PATJ: variants seen among roughly 807,000 people sequenced by gnomAD.
PATJ encodes inaD-like protein.
PATJ carries 190 observed loss-of-function variants against 224.9 expected under a neutral mutation model. The observed-to-expected ratio is 0.84, with a 90% CI of 0.75 to 0.95. The LOEUF is 0.95. PATJ is among the 40% of genes least tolerant of loss of function. The pLI, the probability that PATJ is intolerant of heterozygous loss-of-function variation, is 0.00. For missense variants in PATJ, 2,121 were observed against 2,270.3 expected (o/e 0.93, Z 1.34); for synonymous variants, 769 against 820.3 (o/e 0.94, Z 1.07).
chr1:61,831,652 A>G (rs1016823217), intron 16 of PATJ, among the ~76,000 whole-genome samples: 1 of 152,186 alleles, frequency 6.6e-6, no homozygotes, highest in Non-Finnish European at 1.5e-5. Flanking sequence ...ACCAGTCACA[A>G]TGGCCATTAT....
chr1:61,832,896 C>T (rs1183389416), intron 16 of PATJ, among the ~76,000 whole-genome samples: 1 of 152,170 alleles, frequency 6.6e-6, no homozygotes, highest in Non-Finnish European at 1.5e-5. Flanking sequence ...CATTGACCCT[C>T]TCATTTAACT....
intron 29 of PATJ, among the ~76,000 whole-genome samples, chr1:62,033,466 C>T (rs896723214): frequency 2.6e-5 from 4 of 152,156 alleles, no homozygotes; most frequent in Admixed American, 6.5e-5. Flanking sequence ...CTTGAGCATT[C>T]CCGTTGGTAG....
chr1:61,782,217 G>T (rs1219402562), intron 7 of PATJ, among the ~76,000 whole-genome samples: 1 of 152,278 alleles, frequency 6.6e-6, no homozygotes, highest in South Asian at 2.1e-4. Flanking sequence ...TCTTAGGCCT[G>T]CCATTAATGC....
intron 28 of PATJ, among the ~76,000 whole-genome samples, chr1:61,995,418 T>C (rs1369652061): frequency 2.6e-5 from 4 of 152,196 alleles, no homozygotes; most frequent in African/African-American, 9.7e-5. Context: ...TTCAGACGCT[T>C]AGATGAGGTT....
intron 42 of PATJ, among the ~76,000 whole-genome samples, chr1:62,151,462 G>A (rs1394061049): frequency 1.3e-5 from 2 of 148,334 alleles, no homozygotes; most frequent in African/African-American, 2.5e-5. Context: ...GTGGTGGCAG[G>A]CGCCTGTAGT....
chr1:61,886,636 A>G lies in PATJ; in HGVS notation c.3131+2228A>G, dbSNP rs139034160. On this transcript the variant is annotated intron_variant, in intron 22 of 43. Transcript: ENST00000642238. ...GGAGTTCGAGACTAGCCTGGCCAAC[A>G]TGGTGAAACCTCATCTCTACTAAAA... Among the ~76,000 whole-genome samples the G allele has an allele frequency of 5.1e-3, 781 of 151,792 alleles. 4 individuals carry two copies. The highest frequency in any genetic ancestry group is 0.018 in the African/African-American group (740 of 41,380).
In PATJ at chr1:62,158,581, C is replaced by T. The variant is rs1030511939; in HGVS notation, c.5503-2327C>T. ...CTAAAAATACAAAAAATTAGCCAGGCGTGGTGGCGGGCGCCTGTAGTCCCA... is the reference window on the plus strand; with the variant it reads ...CTAAAAATACAAAAAATTAGCCAGGTGTGGTGGCGGGCGCCTGTAGTCCCA... On this transcript the variant is annotated intron_variant, in intron 43 of 43. Coordinates refer to ENST00000642238, the MANE Select transcript of PATJ (RefSeq NM_001350145.3). Among the ~76,000 whole-genome samples the T allele has an allele frequency of 5.4e-5, 8 of 148,544 alleles. 1 individual carries two copies. Among genetic ancestry groups the T allele is most frequent in the African/African-American group, 1.5e-4 (6 of 41,242 alleles).
In PATJ at chr1:62,073,776, G is replaced by C. The variant is rs567306120; in HGVS notation, c.4126-5674G>C. Among the ~76,000 whole-genome samples the C allele has an allele frequency of 2.0e-5, 3 of 152,254 alleles. No individual in the cohort carries two copies. The South Asian group carries it at 6.2e-4, about 32-fold the overall frequency. On this transcript the variant is annotated intron_variant, in intron 31 of 43. Coordinates refer to ENST00000642238, the MANE Select transcript of PATJ (RefSeq NM_001350145.3). ...TAGCTGAGGCAGAAGGCTTGCTTGA[G>C]CCCAGGAATTCCAGACCAGCCTAAG...
At position 62,055,209 on chromosome 1, in the gene PATJ, C is replaced by G. The variant is rs576463556; in HGVS notation, c.4125+4151C>G. Reference sequence around the variant, plus strand: ...AGACTTTATCTGCTCAGTGTAAGATCAAAAAACTGGAAATTGGGAGAAGTG... The same window carrying G: ...AGACTTTATCTGCTCAGTGTAAGATGAAAAAACTGGAAATTGGGAGAAGTG... On this transcript the variant is annotated intron_variant, in intron 31 of 43. Coordinates refer to ENST00000642238, the MANE Select transcript of PATJ (RefSeq NM_001350145.3). Among the ~76,000 whole-genome samples, 29 of 152,166 alleles carry G rather than the reference C, an allele frequency of 1.9e-4. No homozygotes were observed. In the South Asian group the frequency reaches 5.8e-3, roughly 30 times the overall value.
chr1:62,084,465 T>C (rs1454681534), intron 32 of PATJ, 50 bp from the exon 33 acceptor site: 2 of 1,575,234 alleles, frequency 1.3e-6, no homozygotes, highest in African/African-American at 1.4e-5. Context: ...ACGTGCAGGC[T>C]GAGCTGCAGC....
intron 27 of PATJ, among the ~76,000 whole-genome samples, chr1:61,947,358 A>G (rs924376654): frequency 6.6e-6 from 1 of 152,218 alleles, no homozygotes; most frequent in Non-Finnish European, 1.5e-5. Context: ...CTGATAAGCA[A>G]CTTCAGCAAA....
chr1:61,765,065 CATTT>C (rs1646185918), intron 3 of PATJ, among the ~76,000 whole-genome samples: 1 of 16,998 alleles, frequency 5.9e-5, no homozygotes, highest in African/African-American at 1.2e-4. Flanking sequence ...TATTGACATT[CATTT>C]TTTTTTTTTT....
At chr1:62,071,595 G>A (rs891895968) in intron 31 of PATJ, among the ~76,000 whole-genome samples, 5 of 149,024 alleles carry the variant, frequency 3.4e-5, no homozygotes, top group African/African-American at 1.2e-4. Context: ...CCAGGTAAAA[G>A]CAATTCTTCT....
In PATJ at chr1:62,079,427, T is replaced by C. The variant is rs767170816; in HGVS notation, c.4126-23T>C. 9.4e-6 allele frequency: 13 copies of C among 1,382,666 alleles called. No individual in the cohort carries two copies. In the African/African-American group the frequency reaches 1.6e-4, roughly 17 times the overall value. 85.6% of individuals were successfully genotyped at this position (1,382,666 alleles called of 1,614,324 possible). A position where few individuals can be genotyped will look rare whatever the true frequency, so the allele number is the denominator to read the frequency against. On this transcript the variant is annotated intron_variant, in intron 31 of 43. Transcript: ENST00000642238. ...TTACCTTTCTCCTTTTTGATATTCA[T>C]CTAATTTTCCTTTCTTTTGTAGGCT...
intron 41 of PATJ, among the ~76,000 whole-genome samples, chr1:62,138,857 A>G (rs562427735): frequency 1.3e-5 from 2 of 152,344 alleles, no homozygotes; most frequent in East Asian, 3.9e-4. Flanking sequence ...AGATACTTTA[A>G]TGCCTATTGT....
intron 7 of PATJ, among the ~76,000 whole-genome samples, chr1:61,780,373 G>A (rs1647182154): frequency 6.6e-6 from 1 of 152,152 alleles, no homozygotes; most frequent in Admixed American, 6.5e-5. Flanking sequence ...GCTGAGGCAT[G>A]AGAATTGCTT....
chr1:62,151,154 C>T (rs942690329), intron 42 of PATJ, among the ~76,000 whole-genome samples: 6 of 151,956 alleles, frequency 3.9e-5, no homozygotes, highest in Non-Finnish European at 8.8e-5. Flanking sequence ...AACAAAACAA[C>T]AACAACAAGA....
At position 62,162,923 on chromosome 1, in the gene PATJ, G is replaced by A; in HGVS notation, c.*1869G>A. On this transcript the variant is annotated 3_prime_UTR_variant, in exon 44 of 44. Transcript: ENST00000642238. ...GTTCGTGCCACTCCACTCCAGCCTG[G>A]GTGACAGAGCAAGACTCTGTCTCGA... 2.6e-6 allele frequency: 1 copy of A among 384,762 alleles called. No homozygotes were observed. Among genetic ancestry groups the A allele is most frequent in the Non-Finnish European group, 5.1e-6 (1 of 195,866 alleles). The allele number at this position is 384,762 out of a possible 1,614,324, so 23.8% of individuals were successfully genotyped here.
rs550819227 is a variant in PATJ at position 62,114,302 on chromosome 1, C to T, written c.4655+56C>T. ...CCTTTTTCATCCAGAGCTCTGATGCCTGTGAACACTGAAAGAGAAAGCCTA... is the reference window on the plus strand; with the variant it reads ...CCTTTTTCATCCAGAGCTCTGATGCTTGTGAACACTGAAAGAGAAAGCCTA... On this transcript the variant is annotated intron_variant, in intron 35 of 43. Transcript: ENST00000642238. The T allele has an allele frequency of 5.4e-5, 75 of 1,392,188 alleles. No individual in the cohort carries two copies. In the South Asian group the frequency reaches 8.8e-4, roughly 16 times the overall value. The allele number at this position is 1,392,188 out of a possible 1,614,324, so 86.2% of individuals were successfully genotyped here. A position where few individuals can be genotyped will look rare whatever the true frequency, so the allele number is the denominator to read the frequency against.
Sources: gnomAD v4.1 joint callset for allele counts (sites outside exome capture counted in the v4.1 genomes callset) on GRCh38, gnomAD v4.1.1 for gene constraint, MANE v1.5 for transcripts, NCBI Gene and HGNC (gene_info 2026-07-23, HGNC 2026-07-21) for gene names.